MATN2: variants seen among roughly 807,000 people sequenced by gnomAD.
MATN2 encodes matrilin-2.
A neutral mutation model predicts 103.2 loss-of-function variants in MATN2; 69 were observed. The ratio of observed to expected loss-of-function variants is 0.67; its 90% CI spans 0.55 to 0.82. The LOEUF is 0.82. Among genes scored for constraint, MATN2 ranks in the 40% least tolerant of loss-of-function variants. MATN2 has a pLI of 0.00. For missense variants in MATN2, 1,023 were observed against 1,211.5 expected (o/e 0.84, Z 2.31); for synonymous variants, 429 against 450.2 (o/e 0.95, Z 0.60).
intron 7 of MATN2, among the ~76,000 whole-genome samples, chr8:98,001,486 A>T: frequency 7.5e-6 from 1 of 134,212 alleles, no homozygotes; most frequent in Admixed American, 8.4e-5. Context: ...TTTTTTTGAG[A>T]CAGAGTCTCA....
At chr8:97,916,817 CA>C (rs1470076795) in intron 2 of MATN2, among the ~76,000 whole-genome samples, 1 of 152,188 alleles carries the variant, frequency 6.6e-6, no homozygotes, top group Non-Finnish European at 1.5e-5. Context: ...TTGGCTCTCT[CA>C]CAAAGAAAAT....
intron 2 of MATN2, among the ~76,000 whole-genome samples, chr8:97,901,721 T>G (rs1239949018): frequency 6.6e-6 from 1 of 152,214 alleles, no homozygotes; most frequent in African/African-American, 2.4e-5. Context: ...CTTTAGGGTT[T>G]GGTACAAATT....
chr8:97,895,292 A>T (rs1267219494), intron 2 of MATN2, among the ~76,000 whole-genome samples: 1 of 152,262 alleles, frequency 6.6e-6, no homozygotes, highest in Non-Finnish European at 1.5e-5. Context: ...GCCAGAAGCC[A>T]TGAGAGGCTC....
At chr8:97,994,679 C>T in intron 7 of MATN2, 77 bp downstream of exon 7, 1 of 1,484,912 alleles carries the variant, frequency 6.7e-7, no homozygotes, top group Non-Finnish European at 9.1e-7. Context: ...CCGTGCAAAT[C>T]TTAAGCAAGA....
intron 2 of MATN2, among the ~76,000 whole-genome samples, chr8:97,889,193 G>A (rs1486498868): frequency 2.0e-5 from 3 of 151,950 alleles, no homozygotes; most frequent in Non-Finnish European, 4.4e-5. Context: ...TGACCTGGTA[G>A]CCTCAGTGGC....
rs755612604 is a variant in MATN2, at chr8:97,888,183, G to A, written c.83G>A (p.Arg28His). The A allele has an allele frequency of 1.2e-5, 19 of 1,605,956 alleles. No homozygotes were observed. The highest frequency in any genetic ancestry group is 2.7e-5 in the African/African-American group (2 of 74,776). The change falls in exon 2 of 19, where the codon CGT (arginine) becomes CAT (histidine). Residue 28 changes from arginine to histidine, a missense_variant. By Grantham distance (29) the Arg-to-His change is conservative. Transcript: ENST00000254898. The part of the protein sequence containing the change: ...LLPAEARERS[R>H]GRSISRGRHA... ...CCTGCCGAGGCCAGGGAGCGGTCAC[G>A]TGGGAGGTCCATCTCTAGGGGCAGA...
intron 2 of MATN2, among the ~76,000 whole-genome samples, chr8:97,899,827 T>C (rs1818924595): frequency 6.6e-6 from 1 of 152,174 alleles, no homozygotes. Flanking sequence ...GGACAGTGTG[T>C]CATCTTTCAA....
intron 6 of MATN2, among the ~76,000 whole-genome samples, chr8:97,991,755 G>A (rs1394840503): frequency 1.3e-5 from 2 of 152,038 alleles, no homozygotes; most frequent in Non-Finnish European, 2.9e-5. Flanking sequence ...TCAGAAATGG[G>A]GTCTTGCTAT....
intron 2 of MATN2, among the ~76,000 whole-genome samples, chr8:97,904,656 T>G (rs553007392): frequency 6.6e-6 from 1 of 152,318 alleles, no homozygotes; most frequent in East Asian, 1.9e-4. Flanking sequence ...CTCAAAGTCC[T>G]TGAAATGTAG....
chr8:97,884,773 T>C (rs886974879), intron 1 of MATN2, among the ~76,000 whole-genome samples: 2 of 151,700 alleles, frequency 1.3e-5, no homozygotes, highest in Non-Finnish European at 2.9e-5. Context: ...TGTCTCCAAA[T>C]AACAACAACA....
intron 12 of MATN2, among the ~76,000 whole-genome samples, chr8:98,020,669 A>G (rs1813558296): frequency 6.6e-6 from 1 of 152,226 alleles, no homozygotes; most frequent in African/African-American, 2.4e-5. Context: ...GGAAAGAGCC[A>G]TAGGCTCTCA....
chr8:97,873,123 C>A (rs1329553574), intron 1 of MATN2, among the ~76,000 whole-genome samples: 1 of 152,200 alleles, frequency 6.6e-6, no homozygotes, highest in African/African-American at 2.4e-5. Context: ...TGTAAGGCAA[C>A]ACAGTCTGGG....
rs372370335 is a variant in MATN2 at position 97,896,955 on chromosome 8, G to A, written c.142+8713G>A. Among the ~76,000 whole-genome samples, 728 of 150,986 alleles carry A rather than the reference G, an allele frequency of 4.8e-3. 4 individuals are homozygous for A. Among genetic ancestry groups the A allele is most frequent in the Middle Eastern group, 0.017 (5 of 290 alleles). ...TGGGATCAGGCAACACAGTAGGGCT[G>A]GGCATTGGGATATGGCAACATGACA... On this transcript the variant is annotated intron_variant, in intron 2 of 18. Transcript: ENST00000254898.
chr8:98,023,798 C>A (rs1473997085), intron 13 of MATN2, among the ~76,000 whole-genome samples: 1 of 152,134 alleles, frequency 6.6e-6, no homozygotes, highest in Non-Finnish European at 1.5e-5. Flanking sequence ...CCAAAATGCC[C>A]ATCAATGATA....
intron 5 of MATN2, among the ~76,000 whole-genome samples, chr8:97,976,124 G>A (rs1811827670): frequency 6.7e-6 from 1 of 149,126 alleles, no homozygotes; most frequent in Non-Finnish European, 1.5e-5. Context: ...TATTTAGACT[G>A]AAACTTTTTT....
intron 4 of MATN2, among the ~76,000 whole-genome samples, chr8:97,960,114 G>T (rs1310723705): frequency 6.6e-6 from 1 of 151,990 alleles, no homozygotes; most frequent in South Asian, 2.1e-4. Context: ...GTGCCACCAC[G>T]CCAAGCTAAT....
intron 5 of MATN2, among the ~76,000 whole-genome samples, chr8:97,968,055 G>A (rs1811541770): frequency 6.6e-6 from 1 of 152,224 alleles, no homozygotes; most frequent in South Asian, 2.1e-4. Context: ...TAGCCACTAA[G>A]GTTTATGGTG....
rs1313977139 is a variant in MATN2, at chr8:98,024,523, C to CAACA, written c.1943-2882_1943-2879dup. The stretch of plus-strand genomic sequence containing the variant: ...CCATCTCAAACAACAACAACAACAA[C>CAACA]AACAAACAAACAAAATGATCACTAT... On this transcript the variant is annotated intron_variant, in intron 13 of 18. Coordinates refer to ENST00000254898, the MANE Select transcript of MATN2 (RefSeq NM_002380.5). Among the ~76,000 whole-genome samples, 33 of 152,130 alleles carry CAACA rather than the reference C, an allele frequency of 2.2e-4. 1 individual carries two copies. The highest frequency in any genetic ancestry group is 7.2e-4 in the African/African-American group (30 of 41,482).
chr8:97,994,716 T>C (rs1020069101), intron 7 of MATN2, 114 bp downstream of exon 7: 2 of 1,158,786 alleles, frequency 1.7e-6, no homozygotes, highest in Non-Finnish European at 2.4e-6. Context: ...ATTGTGTCTA[T>C]TAACATTATT....
Sources: gnomAD v4.1 joint callset for allele counts (sites outside exome capture counted in the v4.1 genomes callset) on GRCh38, gnomAD v4.1.1 for gene constraint, MANE v1.5 for transcripts, NCBI Gene and HGNC (gene_info 2026-07-23, HGNC 2026-07-21) for gene names.